MVB12B: variants seen among roughly 807,000 people sequenced by gnomAD.
The protein encoded by MVB12B is multivesicular body subunit 12B.
MVB12B carries 16 observed loss-of-function variants against 41.6 expected under a neutral mutation model. That is an observed-to-expected ratio of 0.38 (90% confidence interval 0.26 to 0.58). The LOEUF is 0.58. Ranked by LOEUF, MVB12B falls within the 20% of genes least tolerant of loss-of-function variation. The probability of loss-of-function intolerance (pLI) is 0.62; values close to 1 mark genes in which losing one functional copy is unlikely to be tolerated. For synonymous variants in MVB12B, 133 were observed against 139.7 expected (o/e 0.95, Z 0.34); for missense variants, 274 against 380.2 (o/e 0.72, Z 2.32).
At chr9:126,396,703 A>T (rs1291659864) in intron 6 of MVB12B, 1 of 985,306 alleles carries the variant, frequency 1.0e-6, no homozygotes, top group African/African-American at 1.7e-5. Flanking sequence ...ACATCCCCCT[A>T]TAAAGACAAT....
chr9:126,352,942 T>C (rs1814895405), intron 2 of MVB12B, among the ~76,000 whole-genome samples: 1 of 152,248 alleles, frequency 6.6e-6, no homozygotes, highest in African/African-American at 2.4e-5. Flanking sequence ...CCTTAAAGTA[T>C]GGAAGACTCA....
chr9:126,442,149 A>C (rs1433563484), intron 7 of MVB12B, among the ~76,000 whole-genome samples: 1 of 152,214 alleles, frequency 6.6e-6, no homozygotes, highest in East Asian at 1.9e-4. Flanking sequence ...GATCTGTCTT[A>C]CAATTGATGT....
At chr9:126,352,913 A>C (rs750202597) in intron 2 of MVB12B, among the ~76,000 whole-genome samples, 3 of 152,244 alleles carry the variant, frequency 2.0e-5, no homozygotes, top group African/African-American at 7.2e-5. Context: ...GTGTGCTTGT[A>C]AAATACTTGC....
At chr9:126,418,993 T>C (rs1184654118) in intron 6 of MVB12B, among the ~76,000 whole-genome samples, 1 of 152,178 alleles carries the variant, frequency 6.6e-6, no homozygotes, top group Non-Finnish European at 1.5e-5. Context: ...CAGATCTGTA[T>C]TGATGCATAT....
intron 7 of MVB12B, among the ~76,000 whole-genome samples, chr9:126,435,898 C>A (rs774746470): frequency 6.6e-6 from 1 of 152,192 alleles, no homozygotes; most frequent in African/African-American, 2.4e-5. Flanking sequence ...GCTGTAGATG[C>A]GGGGGGACTG....
intron 7 of MVB12B, among the ~76,000 whole-genome samples, chr9:126,474,192 G>C (rs906729946): frequency 6.6e-6 from 1 of 152,218 alleles, no homozygotes; most frequent in African/African-American, 2.4e-5. Flanking sequence ...TGTGTGTCTC[G>C]TTCCCAGCTC....
At chr9:126,328,331 T>C (rs4837060) in intron 1 of MVB12B, among the ~76,000 whole-genome samples, 1,580 of 152,250 alleles carry the variant, frequency 0.01, 46 homozygotes, top group East Asian at 0.059. Flanking sequence ...TAAACTTACC[T>C]TCTGTAATCC....
chr9:126,415,887 C>T (rs557507849), intron 6 of MVB12B, among the ~76,000 whole-genome samples: 1 of 152,178 alleles, frequency 6.6e-6, no homozygotes, highest in East Asian at 1.9e-4. Flanking sequence ...GGTGCCTCCT[C>T]AGAAGGGTGG....
intron 1 of MVB12B, 169 bp downstream of exon 1, chr9:126,327,179 C>A: frequency 2.3e-6 from 2 of 865,938 alleles, no homozygotes; most frequent in Non-Finnish European, 1.4e-6. Context: ...CAGGCCCGGG[C>A]GGCCTTTGCA....
intron 5 of MVB12B, among the ~76,000 whole-genome samples, chr9:126,394,672 G>A (rs1410735458): frequency 6.6e-6 from 1 of 152,244 alleles, no homozygotes; most frequent in African/African-American, 2.4e-5. Flanking sequence ...CGGCCCAGAG[G>A]TGGAGAAATC....
At position 126,386,450 on chromosome 9, in the gene MVB12B, T is replaced by C; in HGVS notation, c.313-112T>C. ...GTCACCTACTCTAATTAACCTGCTG[T>C]CATAAAGCTGCACGAGTCATTGTGT... On this transcript the variant is annotated intron_variant, in intron 3 of 9. Coordinates refer to ENST00000361171, the MANE Select transcript of MVB12B (RefSeq NM_033446.3). This position sits in a 1 kb window ranked among gnomAD's most constrained non-coding sequence, Gnocchi z 4.3. The C allele has an allele frequency of 1.4e-6, 1 of 698,234 alleles. No homozygotes were observed. The highest frequency in any genetic ancestry group is 2.5e-6 in the Non-Finnish European group (1 of 392,716). The allele number at this position is 698,234 out of a possible 1,614,324, so 43.3% of individuals were successfully genotyped here.
chr9:126,457,569 G>A (rs997611756), intron 7 of MVB12B, among the ~76,000 whole-genome samples: 8 of 151,986 alleles, frequency 5.3e-5, no homozygotes, highest in Non-Finnish European at 7.4e-5. Context: ...TGTTGTGTAC[G>A]GGTAGAGATT....
intron 7 of MVB12B, among the ~76,000 whole-genome samples, chr9:126,461,051 A>G (rs1833078241): frequency 6.6e-6 from 1 of 152,196 alleles, no homozygotes; most frequent in African/African-American, 2.4e-5. Flanking sequence ...TGTTCTTCCC[A>G]GGCCTTGGGA....
intron 7 of MVB12B, among the ~76,000 whole-genome samples, chr9:126,470,941 G>A (rs930965846): frequency 2.6e-5 from 4 of 152,022 alleles, no homozygotes; most frequent in Non-Finnish European, 4.4e-5. Flanking sequence ...ACACTAATAC[G>A]AATGGCTAAC....
Position 126,376,772 on chromosome 9 carries a change from T to C in MVB12B, c.205-4292T>C. 2.5e-6 allele frequency: 3 copies of C among 1,210,794 alleles called. No individual in the cohort carries two copies. Among genetic ancestry groups the C allele is most frequent in the Non-Finnish European group, 3.2e-6 (3 of 942,778 alleles). 75.0% of individuals were successfully genotyped at this position (1,210,794 alleles called of 1,614,324 possible). On this transcript the variant is annotated intron_variant, in intron 2 of 9. Coordinates refer to ENST00000361171, the MANE Select transcript of MVB12B (RefSeq NM_033446.3). The surrounding 1 kb of genome is among the most constrained non-coding windows in gnomAD (Gnocchi z 4.1). ...CAGCCTCCTTCCCCACCTGCCGGGC[T>C]TGTAGAGTCCTGAGCTGTGCTGGGT...
intron 1 of MVB12B, among the ~76,000 whole-genome samples, chr9:126,334,461 A>G (rs1829222666): frequency 2.6e-5 from 4 of 152,350 alleles, no homozygotes; most frequent in Admixed American, 2.0e-4. Flanking sequence ...TGGCCTGAAG[A>G]CAGGTGTTCT....
chr9:126,496,412 ACCCACCCATTCATCTACTCACCCACTCC>A (rs1328648593), intron 9 of MVB12B, among the ~76,000 whole-genome samples: 1 of 112,106 alleles, frequency 8.9e-6, no homozygotes, highest in Non-Finnish European at 1.8e-5. Context: ...CCACTCACTC[ACCCACCCATTCATCTACTCACCCACTCC>A]CCCACCCACC....
At chr9:126,428,305 A>G (rs1030319649) in intron 7 of MVB12B, among the ~76,000 whole-genome samples, 6 of 152,226 alleles carry the variant, frequency 3.9e-5, no homozygotes, top group African/African-American at 1.4e-4. Flanking sequence ...ACATTTAATT[A>G]TCAGTATTAT....
rs532439678 is a variant in MVB12B, at chr9:126,468,218, A to G, written c.758-13151A>G. ...ATATTTCATCTTCTCTCATGGTCTCAATTATCACCATGCTGGTTACTTCCA... is the reference window on the plus strand; with the variant it reads ...ATATTTCATCTTCTCTCATGGTCTCGATTATCACCATGCTGGTTACTTCCA... On this transcript the variant is annotated intron_variant, in intron 7 of 9. Coordinates refer to ENST00000361171, the MANE Select transcript of MVB12B (RefSeq NM_033446.3). This position sits in a 1 kb window ranked among gnomAD's most constrained non-coding sequence, Gnocchi z 4.3. Among the ~76,000 whole-genome samples, 6 of 152,152 alleles carry G rather than the reference A, an allele frequency of 3.9e-5. No individual in the cohort carries two copies. In the South Asian group the frequency reaches 1.2e-3, roughly 32 times the overall value.
Sources: allele counts gnomAD v4.1 joint callset (sites outside exome capture counted in the v4.1 genomes callset), GRCh38; gene constraint gnomAD v4.1.1; non-coding constraint Gnocchi (gnomAD v3.1); transcripts MANE v1.5; gene names NCBI Gene and HGNC (gene_info 2026-07-23, HGNC 2026-07-21).